DNMBP: variants seen among roughly 807,000 people sequenced by gnomAD.
DNMBP encodes dynamin binding protein.
A neutral mutation model predicts 150.0 loss-of-function variants in DNMBP; 87 were observed. That is an observed-to-expected ratio of 0.58 (90% CI 0.49 to 0.69). DNMBP has a LOEUF of 0.69. Among genes scored for constraint, DNMBP ranks in the 30% least tolerant of loss-of-function variants. DNMBP has a pLI of 0.00. For missense variants in DNMBP, 1,774 were observed against 1,949.0 expected, an observed-to-expected ratio of 0.91 and a Z score of 1.69; for synonymous variants, 711 against 750.4, an observed-to-expected ratio of 0.95 and a Z score of 0.86.
chr10:99,936,826 T>C (rs570789422), intron 4 of DNMBP, among the ~76,000 whole-genome samples: 2 of 152,266 alleles, frequency 1.3e-5, no homozygotes, highest in Admixed American at 6.5e-5. Context: ...CACCTCAGCC[T>C]CCCTAGTAGC....
chr10:99,936,900 T>C (rs1357833383), intron 4 of DNMBP, among the ~76,000 whole-genome samples: 1 of 151,748 alleles, frequency 6.6e-6, no homozygotes, highest in Non-Finnish European at 1.5e-5. Flanking sequence ...CAAACCTTCT[T>C]TTATTTCTTA....
rs144163729 is a variant in DNMBP, at chr10:99,982,993, C to G, written c.-10-10859G>C. 6.4e-3 allele frequency among the ~76,000 whole-genome samples: 972 copies of G among 152,052 alleles called. 6 individuals carry two copies. Among genetic ancestry groups the G allele is most frequent in the African/African-American group, 0.023 (950 of 41,470 alleles). On this transcript the variant is annotated intron_variant, in intron 1 of 16. Transcript: ENST00000324109. ...AAAAAAAAATTCAAATTCTGGGGTC[C>G]CAGAACAAAACTTCTGAAGGGGTTT...
intron 15 of DNMBP, among the ~76,000 whole-genome samples, chr10:99,883,540 G>A (rs1447991726): frequency 6.9e-6 from 1 of 145,126 alleles, no homozygotes. Context: ...TGGCATACCT[G>A]TAGTCCCAGC....
Position 100,000,519 on chromosome 10 carries a change from T to C in DNMBP, c.-11+9319A>G, listed in dbSNP as rs986135240. ...GGCTAGAACAGATGCAGAGAGCTAA[T>C]TTCTCTGTGTCTGGGTGGATGGTTT... On this transcript the variant is annotated intron_variant, in intron 1 of 16. Coordinates refer to ENST00000324109, the MANE Select transcript of DNMBP (RefSeq NM_015221.4). Among the ~76,000 whole-genome samples the C allele has an allele frequency of 3.9e-5, 6 of 152,204 alleles. No homozygotes were observed. In the South Asian group the frequency reaches 8.3e-4, roughly 21 times the overall value.
intron 4 of DNMBP, chr10:99,929,810 C>CT: frequency 2.8e-6 from 2 of 702,970 alleles, no homozygotes; most frequent in Non-Finnish European, 5.2e-6. Context: ...TACACTGAGT[C>CT]TGCAGACCAT....
rs71009782 is a variant in DNMBP at position 99,883,638 on chromosome 10, C to CAAAAAAAAAAA, written c.3997+362_3997+372dup. Among the ~76,000 whole-genome samples, 115 of 65,608 alleles carry CAAAAAAAAAAA rather than the reference C, an allele frequency of 1.8e-3. 4 individuals are homozygous for CAAAAAAAAAAA. Among genetic ancestry groups the CAAAAAAAAAAA allele is most frequent in the African/African-American group, 5.4e-3 (108 of 20,094 alleles). The allele number at this position is 65,608 out of a possible 152,430, so 43.0% of individuals were successfully genotyped here. A position where few individuals can be genotyped will look rare whatever the true frequency, so the allele number is the denominator to read the frequency against. On this transcript the variant is annotated intron_variant, in intron 15 of 16. Coordinates refer to ENST00000324109, the MANE Select transcript of DNMBP (RefSeq NM_015221.4). ...CCTGGATAACAGAGCAAGACTGCCA[C>CAAAAAAAAAAA]AAAAAAAAAAAAAAAAAAAAAAAAA...
In DNMBP at chr10:99,898,277, G is replaced by A. The variant is rs759908369; in HGVS notation, c.2729C>T (p.Thr910Ile). 1.7e-5 allele frequency: 27 copies of A among 1,612,980 alleles called. No homozygotes were observed. In the South Asian group the frequency reaches 3.0e-4, roughly 18 times the overall value. Reference protein sequence around the residue: ...LKSLYNEWGCTNYINLGSFLI... With the variant: ...LKSLYNEWGCINYINLGSFLI... ...GAAGGAGCCCAGGTTAATATAATTT[G>A]TGCATCCCCTGTAAGAGAAGGAAAA... The change falls in exon 9 of 17, where the codon ACA (threonine) becomes ATA (isoleucine). Residue 910 changes from threonine to isoleucine, a missense_variant. Physicochemically the swap from Thr to Ile is moderately conservative, Grantham distance 89 (BLOSUM62 -1). Coordinates refer to ENST00000324109, the MANE Select transcript of DNMBP (RefSeq NM_015221.4).
At chr10:99,954,975 C>G (rs80196229) in intron 4 of DNMBP, among the ~76,000 whole-genome samples, 6,173 of 151,492 alleles carry the variant, frequency 0.041, 123 homozygotes, top group South Asian at 0.082. Context: ...ATCACTTGAG[C>G]CCAGGAGGTG....
In DNMBP at chr10:99,999,824, T is replaced by C. The variant is rs537091909; in HGVS notation, c.-11+10014A>G. On this transcript the variant is annotated intron_variant, in intron 1 of 16. Transcript: ENST00000324109. ...AAAAGCAGGGACTACTTTATATAAG[T>C]GGATTTGGGCCAGACTTGAGGGCCA... Among the ~76,000 whole-genome samples, 133 of 152,180 alleles carry C rather than the reference T, an allele frequency of 8.7e-4. 1 individual carries two copies. The highest frequency in any genetic ancestry group is 3.0e-3 in the African/African-American group (126 of 41,518).
intron 12 of DNMBP, among the ~76,000 whole-genome samples, chr10:99,887,053 C>A (rs891322413): frequency 1.3e-5 from 2 of 152,008 alleles, no homozygotes; most frequent in African/African-American, 4.8e-5. Flanking sequence ...GAATAACTTT[C>A]ATACACTCAT....
At chr10:99,911,740 A>T (rs557262477) in intron 4 of DNMBP, among the ~76,000 whole-genome samples, 3 of 152,338 alleles carry the variant, frequency 2.0e-5, no homozygotes, top group African/African-American at 7.2e-5. Flanking sequence ...TAACAGAAAA[A>T]GCTCTTTCTC....
At chr10:99,995,872 TGCTGCCACGTCAGGC>T (rs1447287456) in intron 1 of DNMBP, among the ~76,000 whole-genome samples, 2 of 152,266 alleles carry the variant, frequency 1.3e-5, no homozygotes, top group East Asian at 3.8e-4. Flanking sequence ...GTCACCCAGG[TGCTGCCACGTCAGGC>T]ACAGTAGGCA....
chr10:99,971,236 T>C (rs918522154), intron 2 of DNMBP, among the ~76,000 whole-genome samples: 7 of 150,922 alleles, frequency 4.6e-5, no homozygotes, highest in Non-Finnish European at 7.4e-5. Context: ...AGACCACATA[T>C]GAATACAGTA....
intron 2 of DNMBP, among the ~76,000 whole-genome samples, chr10:99,970,938 C>G (rs2040666589): frequency 8.6e-6 from 1 of 116,540 alleles, no homozygotes; most frequent in African/African-American, 3.2e-5. Flanking sequence ...TGCCACTGCA[C>G]TCCAGCCTGG....
intron 4 of DNMBP, among the ~76,000 whole-genome samples, chr10:99,936,979 A>C (rs2040241130): frequency 6.6e-6 from 1 of 152,064 alleles, no homozygotes; most frequent in Non-Finnish European, 1.5e-5. Flanking sequence ...GCTCACTGCA[A>C]CCTCTACATC....
chr10:99,934,146 T>C (rs2040196865), intron 4 of DNMBP, among the ~76,000 whole-genome samples: 2 of 152,166 alleles, frequency 1.3e-5, no homozygotes, highest in Admixed American at 1.3e-4. Context: ...TGAAACCAAA[T>C]AATATCAAAT....
intron 1 of DNMBP, among the ~76,000 whole-genome samples, chr10:99,978,217 C>G (rs2040748764): frequency 1.3e-5 from 2 of 152,160 alleles, no homozygotes; most frequent in African/African-American, 4.8e-5. Context: ...CTGTTTGATT[C>G]CCATGCCCAC....
intron 4 of DNMBP, among the ~76,000 whole-genome samples, chr10:99,952,462 A>C (rs1222463286): frequency 1.3e-5 from 2 of 152,226 alleles, no homozygotes; most frequent in East Asian, 3.9e-4. Context: ...TCAAGTACTC[A>C]TATTAAATGA....
At chr10:99,971,880 G>A in intron 2 of DNMBP, 100 bp downstream of exon 2, 2 of 973,102 alleles carry the variant, frequency 2.1e-6, no homozygotes, top group South Asian at 2.0e-5. Context: ...TTTTAAGACA[G>A]GGTCTCACTC....
Sources: gnomAD v4.1 joint callset for allele counts (sites outside exome capture counted in the v4.1 genomes callset) on GRCh38, gnomAD v4.1.1 for gene constraint, MANE v1.5 for transcripts, NCBI Gene and HGNC (gene_info 2026-07-23, HGNC 2026-07-21) for gene names.